Variants in ITGA11 observed in about 807,000 individuals in gnomAD.
ITGA11 encodes integrin alpha-11.
A neutral mutation model predicts 141.9 loss-of-function variants in ITGA11; 97 were observed. The observed-to-expected ratio is 0.68, with a 90% CI of 0.58 to 0.81. The LOEUF is 0.81. Ranked by LOEUF, ITGA11 falls within the 30% of genes least tolerant of loss-of-function variation. The pLI, the probability that ITGA11 is intolerant of heterozygous loss-of-function variation, is 0.00. For missense variants in ITGA11, 1,387 were observed against 1,559.2 expected (o/e 0.89, Z 1.86); for synonymous variants, 658 against 624.6 (o/e 1.05, Z -0.80).
At chr15:68,310,725 C>T (rs1314767062) in intron 26 of ITGA11, among the ~76,000 whole-genome samples, 4 of 152,334 alleles carry the variant, frequency 2.6e-5, no homozygotes, top group Non-Finnish European at 4.4e-5. Flanking sequence ...CCTTTCTGCT[C>T]GTTTGCCTGG....
At chr15:68,399,359 A>G (rs1308560902) in intron 2 of ITGA11, among the ~76,000 whole-genome samples, 5 of 152,120 alleles carry the variant, frequency 3.3e-5, no homozygotes, top group Non-Finnish European at 5.9e-5. Context: ...GGAAATGCTT[A>G]TACACTGTTG....
chr15:68,350,156 C>T (rs755187558), intron 9 of ITGA11, among the ~76,000 whole-genome samples: 3 of 152,136 alleles, frequency 2.0e-5, no homozygotes, highest in Non-Finnish European at 2.9e-5. Context: ...TCACGTCCGG[C>T]ACGGAGTAAT....
chr15:68,395,842 G>A (rs997497744), intron 2 of ITGA11, among the ~76,000 whole-genome samples: 1 of 147,598 alleles, frequency 6.8e-6, no homozygotes, highest in African/African-American at 2.5e-5. Flanking sequence ...TGCACGTTGT[G>A]CACATGTACC....
chr15:68,337,829 C>A (rs1894417079), intron 11 of ITGA11, among the ~76,000 whole-genome samples: 1 of 152,244 alleles, frequency 6.6e-6, no homozygotes, highest in Non-Finnish European at 1.5e-5. Flanking sequence ...CTTCTGCCCC[C>A]TGCTCCAGCC....
At chr15:68,352,328 G>A (rs974362120) in intron 7 of ITGA11, among the ~76,000 whole-genome samples, 11 of 151,866 alleles carry the variant, frequency 7.2e-5, no homozygotes, top group Non-Finnish European at 1.6e-4. Flanking sequence ...AAGTAGCTGG[G>A]ATTAGAGAGC....
rs116414695 is a variant in ITGA11 at position 68,307,150 on chromosome 15, C to T, written c.3381+198G>A. Among the ~76,000 whole-genome samples the T allele has an allele frequency of 3.3e-3, 505 of 152,334 alleles. 1 individual carries two copies. The highest frequency in any genetic ancestry group is 0.011 in the African/African-American group (469 of 41,568). On this transcript the variant is annotated intron_variant, in intron 28 of 29. Coordinates refer to ENST00000315757, the MANE Select transcript of ITGA11 (RefSeq NM_001004439.2). This position sits in a 1 kb window ranked among gnomAD's most constrained non-coding sequence, Gnocchi z 6.1. ...TTCACACCAGACCTCTGGACCTTCCCTAGTGTTGCCCCTGAGGCTTTGTCT... is the reference window on the plus strand; with the variant it reads ...TTCACACCAGACCTCTGGACCTTCCTTAGTGTTGCCCCTGAGGCTTTGTCT...
At chr15:68,381,751 T>G (rs1895867014) in intron 2 of ITGA11, among the ~76,000 whole-genome samples, 1 of 152,208 alleles carries the variant, frequency 6.6e-6, no homozygotes, top group South Asian at 2.1e-4. Context: ...AGATGGGGTT[T>G]TGCCATGTTG....
chr15:68,417,324 T>G (rs1294091742), intron 1 of ITGA11, among the ~76,000 whole-genome samples: 2 of 152,202 alleles, frequency 1.3e-5, no homozygotes, highest in Non-Finnish European at 2.9e-5. Flanking sequence ...AGCTTGGAAG[T>G]CATTCCTTAT....
At chr15:68,407,288 G>A (rs761498216) in intron 1 of ITGA11, among the ~76,000 whole-genome samples, 14 of 152,184 alleles carry the variant, frequency 9.2e-5, no homozygotes, top group South Asian at 2.1e-4. Context: ...CAGGATTAGT[G>A]AAATCTGGCC....
rs190140424 is a variant in ITGA11, at chr15:68,367,261, G to T, written c.265+1923C>A. On this transcript the variant is annotated intron_variant, in intron 3 of 29. Transcript: ENST00000315757. ...CAGAGAAAAAAAAAGATTGGTTCACGAATCCACGTCCCTGCCTGGACCAGG... is the reference window on the plus strand; with the variant it reads ...CAGAGAAAAAAAAAGATTGGTTCACTAATCCACGTCCCTGCCTGGACCAGG... Among the ~76,000 whole-genome samples the T allele has an allele frequency of 2.8e-3, 432 of 152,158 alleles. 2 individuals are homozygous for T. The highest frequency in any genetic ancestry group is 4.0e-3 in the Non-Finnish European group (269 of 68,008).
chr15:68,358,401 C>T lies in ITGA11; in HGVS notation c.600+57G>A, dbSNP rs536751934. On this transcript the variant is annotated intron_variant, in intron 6 of 29. Transcript: ENST00000315757. ...ATCTCTCTTAGACCTAAGGCAGCAC[C>T]TGCCATGGGTTTGGGTGGCCCTGTT... 11 of 1,534,634 alleles carry T rather than the reference C, an allele frequency of 7.2e-6. No individual in the cohort carries two copies. In the South Asian group the frequency reaches 1.2e-4, roughly 16 times the overall value.
chr15:68,307,549 C>A lies in ITGA11; in HGVS notation c.3285+37G>T. On this transcript the variant is annotated intron_variant, in intron 27 of 29. Transcript: ENST00000315757. The surrounding 1 kb of genome is among the most constrained non-coding windows in gnomAD (Gnocchi z 6.1). Reference sequence around the variant, plus strand: ...ACATCCCAACAGCCGCCCCCTTTCCCTTCTTCCTTCCAGCCCAGCCCAGGG... The same window carrying A: ...ACATCCCAACAGCCGCCCCCTTTCCATTCTTCCTTCCAGCCCAGCCCAGGG... 1.3e-6 allele frequency: 2 copies of A among 1,555,940 alleles called. No individual in the cohort carries two copies. The highest frequency in any genetic ancestry group is 2.7e-5 in the African/African-American group (2 of 73,858).
chr15:68,416,994 T>C (rs1896903558), intron 1 of ITGA11, among the ~76,000 whole-genome samples: 1 of 152,344 alleles, frequency 6.6e-6, no homozygotes, highest in East Asian at 1.9e-4. Context: ...TATCATTTTC[T>C]CTGTGTAGGA....
chr15:68,313,099 A>C (rs1366984191), intron 23 of ITGA11, among the ~76,000 whole-genome samples: 1 of 152,186 alleles, frequency 6.6e-6, no homozygotes, highest in African/African-American at 2.4e-5. Flanking sequence ...GAGTCAGAAG[A>C]GCCAGTTATC....
At position 68,397,668 on chromosome 15, in the gene ITGA11, AATATTTAAAATATT is replaced by A. The variant is rs74202777; in HGVS notation, c.164+5236_164+5249del. Among the ~76,000 whole-genome samples the A allele has an allele frequency of 7.5e-3, 659 of 87,562 alleles. 5 individuals are homozygous for A. The highest frequency in any genetic ancestry group is 0.017 in the African/African-American group (369 of 21,886). The allele number at this position is 87,562 out of a possible 152,430, so 57.4% of individuals were successfully genotyped here. On this transcript the variant is annotated intron_variant, in intron 2 of 29. Transcript: ENST00000315757. The stretch of plus-strand genomic sequence containing the variant: ...AAATATTTTAAAATATATATTATAA[AATATTTAAAATATT>A]ATATTTAAAATATTATATTTAAAAT...
At chr15:68,379,286 T>C (rs1367325611) in intron 2 of ITGA11, among the ~76,000 whole-genome samples, 1 of 152,254 alleles carries the variant, frequency 6.6e-6, no homozygotes, top group Non-Finnish European at 1.5e-5. Context: ...CCTTGATCTC[T>C]TAGCTGAAAG....
chr15:68,429,249 G>A (rs892412516), intron 1 of ITGA11, among the ~76,000 whole-genome samples: 1 of 152,220 alleles, frequency 6.6e-6, no homozygotes, highest in Non-Finnish European at 1.5e-5. Context: ...AGAGCACAGA[G>A]CCCTAACCGG....
intron 2 of ITGA11, among the ~76,000 whole-genome samples, chr15:68,373,531 C>T (rs1379217971): frequency 6.6e-6 from 1 of 152,218 alleles, no homozygotes; most frequent in Non-Finnish European, 1.5e-5. Flanking sequence ...TCCCTGGTTT[C>T]CATTTCCTCC....
At position 68,341,587 on chromosome 15, in the gene ITGA11, G is replaced by T. The variant is rs1894571486; in HGVS notation, c.1132-1943C>A. 2.6e-5 allele frequency among the ~76,000 whole-genome samples: 4 copies of T among 152,214 alleles called. No individual in the cohort carries two copies. In the South Asian group the frequency reaches 8.3e-4, roughly 32 times the overall value. ...TCTGTTTCCCCAAAGCCTGCTGTGG[G>T]TCCAGCTTTCCATTTTCCACCTGAA... On this transcript the variant is annotated intron_variant, in intron 10 of 29. Transcript: ENST00000315757.
Sources: gnomAD v4.1 joint callset for allele counts (sites outside exome capture counted in the v4.1 genomes callset) on GRCh38, gnomAD v4.1.1 for gene constraint, Gnocchi (gnomAD v3.1) non-coding constraint, MANE v1.5 for transcripts, NCBI Gene and HGNC (gene_info 2026-07-23, HGNC 2026-07-21) for gene names.